The following PVT1 variants were observed in gnomAD, a reference collection of about 807,000 sequenced individuals.
PVT1 encodes Pvt1 oncogene.
chr8:127,841,316 C>T (rs990141308), intron 2 of PVT1, among the ~76,000 whole-genome samples: 1 of 152,154 alleles, frequency 6.6e-6, no homozygotes, highest in Non-Finnish European at 1.5e-5. Context: ...CTCTATCACC[C>T]AGGCTGGAGT....
chr8:127,865,434 T>A (rs566731204), intron 2 of PVT1, among the ~76,000 whole-genome samples: 1 of 152,268 alleles, frequency 6.6e-6, no homozygotes, highest in East Asian at 1.9e-4. Context: ...AAGCTGACCT[T>A]AAAAGAGGGA....
intron 4 of PVT1, among the ~76,000 whole-genome samples, chr8:128,014,780 G>A (rs1817352675): frequency 6.6e-6 from 1 of 152,244 alleles, no homozygotes. Flanking sequence ...AAAAGGGAAT[G>A]TGGACAGGAA....
intron 3 of PVT1, among the ~76,000 whole-genome samples, chr8:127,945,429 A>G (rs1308705323): frequency 6.6e-6 from 1 of 152,096 alleles, no homozygotes; most frequent in Non-Finnish European, 1.5e-5. Flanking sequence ...GTTTTCCCCC[A>G]TCTGGTCACC....
chr8:127,882,976 G>C (rs149390542), intron 2 of PVT1, among the ~76,000 whole-genome samples: 152 of 152,148 alleles, frequency 1.0e-3, no homozygotes, highest in African/African-American at 3.6e-3. Flanking sequence ...TTCTGCAAGA[G>C]AGGGAAAGAG....
At chr8:128,096,421 G>T (rs1002741775) in intron 5 of PVT1, 4 of 152,166 alleles carry the variant, frequency 2.6e-5, no homozygotes, top group Non-Finnish European at 5.9e-5. Flanking sequence ...TTTGAAGGGG[G>T]CCCTGTCCCC....
At chr8:128,074,730 C>T (rs898853838) in intron 5 of PVT1, among the ~76,000 whole-genome samples, 3 of 152,144 alleles carry the variant, frequency 2.0e-5, no homozygotes, top group Admixed American at 2.0e-4. Context: ...AATTATATAG[C>T]GGTTGCTACA....
intron 4 of PVT1, among the ~76,000 whole-genome samples, chr8:128,068,261 T>C (rs1813936182): frequency 6.6e-6 from 1 of 152,052 alleles, no homozygotes; most frequent in Non-Finnish European, 1.5e-5. Context: ...CCTGGCTTTC[T>C]CTCTGTCCCA....
chr8:127,915,951 C>G (rs1416794151), intron 3 of PVT1, among the ~76,000 whole-genome samples: 3 of 152,252 alleles, frequency 2.0e-5, no homozygotes, highest in African/African-American at 7.2e-5. Context: ...GCAACCTTGC[C>G]CTGTGCTTTC....
chr8:127,910,118 T>G (rs1815874358), intron 3 of PVT1, among the ~76,000 whole-genome samples: 1 of 152,022 alleles, frequency 6.6e-6, no homozygotes, highest in Non-Finnish European at 1.5e-5. Flanking sequence ...TGCTATGAGG[T>G]CAGCTCTGTA....
At chr8:127,974,679 G>T (rs1416533505) in intron 3 of PVT1, among the ~76,000 whole-genome samples, 1 of 152,056 alleles carries the variant, frequency 6.6e-6, no homozygotes, top group Non-Finnish European at 1.5e-5. Context: ...GCCTCCCAAA[G>T]TGCTGGGATT....
intron 2 of PVT1, among the ~76,000 whole-genome samples, chr8:127,859,828 T>G (rs1471412566): frequency 6.6e-6 from 1 of 152,042 alleles, no homozygotes; most frequent in Non-Finnish European, 1.5e-5. Flanking sequence ...CGAAGGTAGT[T>G]GCAGGAGATT....
At chr8:127,868,793 ACATATATATG>A (rs1815317537) in intron 2 of PVT1, among the ~76,000 whole-genome samples, 2 of 113,262 alleles carry the variant, frequency 1.8e-5, no homozygotes, top group East Asian at 2.5e-4. Flanking sequence ...ATATATATAT[ACATATATATG>A]TACATATATA....
At chr8:127,927,626 A>G (rs1816146852) in intron 3 of PVT1, among the ~76,000 whole-genome samples, 1 of 152,084 alleles carries the variant, frequency 6.6e-6, no homozygotes, top group Non-Finnish European at 1.5e-5. Flanking sequence ...GTATGATGAA[A>G]TTAGAGGCTA....
intron 3 of PVT1, among the ~76,000 whole-genome samples, chr8:127,968,637 A>G (rs1270175606): frequency 6.6e-6 from 1 of 152,190 alleles, no homozygotes; most frequent in Non-Finnish European, 1.5e-5. Context: ...CAGTGGGTGA[A>G]TTGTATCCCC....
At chr8:127,950,142 C>T (rs796218073) in intron 3 of PVT1, among the ~76,000 whole-genome samples, 49 of 150,838 alleles carry the variant, frequency 3.2e-4, no homozygotes, top group African/African-American at 1.0e-3. Context: ...AATAAACTTC[C>T]GGGGCACATG....
At chr8:127,931,764 G>A (rs186870831) in intron 3 of PVT1, among the ~76,000 whole-genome samples, 96 of 152,344 alleles carry the variant, frequency 6.3e-4, no homozygotes, top group Non-Finnish European at 3.4e-4. Flanking sequence ...CAGAACTCCC[G>A]TCCAGACCTC....
chr8:127,832,498 A>C (rs1237209100), intron 2 of PVT1, among the ~76,000 whole-genome samples: 2 of 152,244 alleles, frequency 1.3e-5, no homozygotes, highest in Non-Finnish European at 2.9e-5. Context: ...TGATTTAGCA[A>C]ATAAGCATTC....
At chr8:127,797,771 A>T (rs1212872994) in intron 2 of PVT1, among the ~76,000 whole-genome samples, 1 of 152,310 alleles carries the variant, frequency 6.6e-6, no homozygotes. Flanking sequence ...GCAATGGTAG[A>T]CTTCTTGTTG....
At chr8:128,041,668 GTGT>G (rs904477382) in intron 4 of PVT1, among the ~76,000 whole-genome samples, 26 of 150,246 alleles carry the variant, frequency 1.7e-4, no homozygotes, top group East Asian at 1.2e-3. Flanking sequence ...TTGTGAGTGC[GTGT>G]TGTTCGTGTG....
Sources: allele counts gnomAD v4.1 joint callset (sites outside exome capture counted in the v4.1 genomes callset), GRCh38; gene constraint gnomAD v4.1.1; transcripts MANE v1.5; gene names NCBI Gene and HGNC (gene_info 2026-07-23, HGNC 2026-07-21).